The following TG variants were observed in gnomAD, a reference collection of about 807,000 sequenced individuals.
TG encodes thyroglobulin, also known as thyroid hormones.
In TG, 270 loss-of-function variants were observed where a neutral mutation model predicts 324.7. The ratio of observed to expected loss-of-function variants is 0.83; its 90% CI spans 0.75 to 0.92. TG has a LOEUF of 0.92. Ranked by LOEUF, TG falls within the 40% of genes least tolerant of loss-of-function variation. TG has a pLI of 0.00. For synonymous variants in TG, 1,401 were observed against 1,327.0 expected, an observed-to-expected ratio of 1.06 and a Z score of -1.21; for missense variants, 3,591 against 3,456.4, an observed-to-expected ratio of 1.04 and a Z score of -0.98.
chr8:133,125,611 A>T (rs1291368242), intron 45 of TG, among the ~76,000 whole-genome samples: 1 of 152,234 alleles, frequency 6.6e-6, no homozygotes, highest in Non-Finnish European at 1.5e-5. Context: ...GGTACCAGAC[A>T]TTGCATGAGG....
intron 27 of TG, among the ~76,000 whole-genome samples, chr8:132,959,189 G>C (rs2142383): frequency 0.76 from 114,930 of 152,142 alleles, 43,776 homozygotes; most frequent in African/African-American, 0.84. Context: ...GCCCCGGGGA[G>C]ACTTGTCACT....
At position 133,019,665 on chromosome 8, in the gene TG, G is replaced by T; in HGVS notation, c.6846G>T (p.Leu2282Phe). The part of the protein sequence containing the change: ...STSPGVSEDC[L>F]YLNVFIPQNV... ...CTCCTGGAGTCAGTGAAGATTGTTT[G>T]TATCTCAATGTGTTCATCCCTCAGA... is the stretch of plus-strand genomic sequence containing the variant. The change falls in exon 39 of 48, where the codon TTG (leucine) becomes TTT (phenylalanine). Residue 2282 changes from leucine (L) to phenylalanine (F), a missense_variant. By Grantham distance (22) the Leu-to-Phe change is conservative. Coordinates refer to ENST00000220616, the MANE Select transcript of TG (RefSeq NM_003235.5). The T allele has an allele frequency of 6.2e-7, 1 of 1,613,554 alleles. No homozygotes were observed. The highest frequency in any genetic ancestry group is 8.5e-7 in the Non-Finnish European group (1 of 1,179,642).
intron 23 of TG, among the ~76,000 whole-genome samples, chr8:132,932,891 T>C (rs1263039629): frequency 2.6e-5 from 4 of 152,216 alleles, no homozygotes; most frequent in Non-Finnish European, 5.9e-5. Context: ...TGGCTCCTCA[T>C]AGAATAGAAG....
chr8:132,904,962 T>C (rs554941187), intron 16 of TG, among the ~76,000 whole-genome samples: 1 of 152,284 alleles, frequency 6.6e-6, no homozygotes, highest in Admixed American at 6.5e-5. Flanking sequence ...GTTTACTAGC[T>C]ATCTGACCAC....
chr8:132,874,378 A>G (rs1839770281), intron 5 of TG, among the ~76,000 whole-genome samples: 1 of 152,248 alleles, frequency 6.6e-6, no homozygotes, highest in Non-Finnish European at 1.5e-5. Context: ...TGACCCAAAT[A>G]GCCAGAGTAG....
intron 41 of TG, among the ~76,000 whole-genome samples, chr8:133,036,514 A>G (rs1322084354): frequency 6.6e-6 from 1 of 152,144 alleles, no homozygotes; most frequent in African/African-American, 2.4e-5. Context: ...CCTTAGGCCC[A>G]TCTTCAAGTT....
intron 41 of TG, among the ~76,000 whole-genome samples, chr8:133,032,703 G>C (rs1459663056): frequency 6.6e-6 from 1 of 152,148 alleles, no homozygotes; most frequent in Non-Finnish European, 1.5e-5. Flanking sequence ...AATATGAGTT[G>C]GCAGTTTATT....
At chr8:132,974,673 A>T (rs1829978793) in intron 34 of TG, among the ~76,000 whole-genome samples, 1 of 152,220 alleles carries the variant, frequency 6.6e-6, no homozygotes, top group Non-Finnish European at 1.5e-5. Flanking sequence ...CCCCCAACTC[A>T]ATTGATTAAC....
chr8:133,062,432 C>G (rs1842497190), intron 41 of TG, among the ~76,000 whole-genome samples: 1 of 152,252 alleles, frequency 6.6e-6, no homozygotes, highest in Non-Finnish European at 1.5e-5. Context: ...TGACTCCAAC[C>G]CACATTCCCC....
intron 41 of TG, among the ~76,000 whole-genome samples, chr8:133,031,044 G>A (rs1836591023): frequency 6.6e-6 from 1 of 152,182 alleles, no homozygotes; most frequent in Non-Finnish European, 1.5e-5. Flanking sequence ...TTGGGATTAA[G>A]TACATTCCCA....
At position 133,002,458 on chromosome 8, in the gene TG, T is replaced by C. The variant is rs1161989382; in HGVS notation, c.6263-9443T>C. 3.1e-6 allele frequency: 3 copies of C among 962,538 alleles called. No individual in the cohort carries two copies. The African/African-American group carries it at 5.3e-5, about 17-fold the overall frequency. 59.6% of individuals were successfully genotyped at this position (962,538 alleles called of 1,614,324 possible). A position where few individuals can be genotyped will look rare whatever the true frequency, so the allele number is the denominator to read the frequency against. On this transcript the variant is annotated intron_variant, in intron 35 of 47. Coordinates refer to ENST00000220616, the MANE Select transcript of TG (RefSeq NM_003235.5). Reference sequence around the variant, plus strand: ...ATCTTTCAGCAAGAAATACATTAAATCTGAATAGCAAATACATTACACAAT... The same window carrying C: ...ATCTTTCAGCAAGAAATACATTAAACCTGAATAGCAAATACATTACACAAT...
At chr8:133,037,360 A>G (rs1837284841) in intron 41 of TG, 2 of 152,212 alleles carry the variant, frequency 1.3e-5, no homozygotes, top group East Asian at 1.9e-4. Flanking sequence ...ATTTTTCCTC[A>G]TATGGATGCC....
At chr8:133,041,364 GC>G (rs1207737835) in intron 41 of TG, among the ~76,000 whole-genome samples, 1 of 152,234 alleles carries the variant, frequency 6.6e-6, no homozygotes, top group Non-Finnish European at 1.5e-5. Context: ...CACAGGGCGG[GC>G]AAGCCAGGAA....
chr8:132,867,939 A>G (rs1441382365), intron 1 of TG, among the ~76,000 whole-genome samples, 176 bp from the exon 2 acceptor site: 1 of 152,184 alleles, frequency 6.6e-6, no homozygotes, highest in South Asian at 2.1e-4. Context: ...AATGTTGCAC[A>G]TTAAATGAGC....
intron 35 of TG, among the ~76,000 whole-genome samples, chr8:132,993,053 T>A (rs1832526329): frequency 6.6e-6 from 1 of 152,198 alleles, no homozygotes; most frequent in Non-Finnish European, 1.5e-5. Context: ...CTTGTTAGAT[T>A]TTGGGCTCCC....
chr8:132,987,892 A>G (rs1831776076), intron 35 of TG, among the ~76,000 whole-genome samples: 1 of 152,160 alleles, frequency 6.6e-6, no homozygotes, highest in Non-Finnish European at 1.5e-5. Context: ...CCTTCTCTAG[A>G]GCAACAGAAA....
intron 16 of TG, among the ~76,000 whole-genome samples, chr8:132,904,161 A>G (rs370473910): frequency 3.9e-5 from 6 of 152,186 alleles, no homozygotes; most frequent in African/African-American, 1.4e-4. Context: ...GACGTGGCTG[A>G]TAACAGTCCA....
At position 133,096,352 on chromosome 8, in the gene TG, CA is replaced by C. The variant is rs746765484; in HGVS notation, c.7553del (p.Asn2518ThrfsTer6). The C allele has an allele frequency of 6.2e-7, 1 of 1,614,164 alleles. No homozygotes were observed. The highest frequency in any genetic ancestry group is 1.1e-5 in the South Asian group (1 of 91,072). ...IGSSQDDGLI[N>X]RAKAVKQFEE... ...GGAGTTCTCAGGACGACGGGCTCAT[CA>C]ACAGAGCAAAGGCTGTGAAGGTAAG... is the stretch of plus-strand genomic sequence containing the variant. On this transcript the variant is annotated frameshift_variant, in exon 43 of 48. Transcript: ENST00000220616. LOFTEE classifies it high-confidence loss of function.
At chr8:133,031,071 A>C (rs1385699027) in intron 41 of TG, among the ~76,000 whole-genome samples, 1 of 152,226 alleles carries the variant, frequency 6.6e-6, no homozygotes, top group African/African-American at 2.4e-5. Flanking sequence ...TGCAACCATT[A>C]CTACTATCCG....
Sources: gnomAD v4.1 joint callset for allele counts (sites outside exome capture counted in the v4.1 genomes callset) on GRCh38, gnomAD v4.1.1 for gene constraint, MANE v1.5 for transcripts, NCBI Gene and HGNC (gene_info 2026-07-23, HGNC 2026-07-21) for gene names.